The following ANAPC1 variants were observed in gnomAD, a reference collection of about 807,000 sequenced individuals.
ANAPC1 encodes the protein anaphase promoting complex subunit 1, also known as anaphase-promoting complex subunit 1.
Under a neutral mutation model 208.0 loss-of-function variants are expected in ANAPC1, and 36 were observed. That is an observed-to-expected ratio of 0.17 (90% CI 0.13 to 0.23). The LOEUF is 0.23. Ranked by LOEUF, ANAPC1 falls within the 10% of genes least tolerant of loss-of-function variation. ANAPC1 has a pLI of 1.00. For missense variants in ANAPC1, 942 were observed against 2,011.6 expected, an observed-to-expected ratio of 0.47 and a Z score of 10.17; for synonymous variants, 378 against 695.2, an observed-to-expected ratio of 0.54 and a Z score of 7.18.
chr2:111,827,690 AG>A (rs751800014), intron 21 of ANAPC1, among the ~76,000 whole-genome samples: 3 of 152,222 alleles, frequency 2.0e-5, no homozygotes, highest in East Asian at 3.9e-4. Flanking sequence ...CGGGAGGTTG[AG>A]GCTGCAGTGA....
At chr2:111,791,759 T>A (rs984101783) in intron 38 of ANAPC1, among the ~76,000 whole-genome samples, 5 of 151,884 alleles carry the variant, frequency 3.3e-5, no homozygotes, top group African/African-American at 1.2e-4. Flanking sequence ...ATAATAGTGA[T>A]TGAGAGGGGT....
At chr2:111,849,953 T>A (rs1444094437) in intron 14 of ANAPC1, among the ~76,000 whole-genome samples, 1 of 151,734 alleles carries the variant, frequency 6.6e-6, no homozygotes, top group African/African-American at 2.4e-5. Flanking sequence ...TTAGTAAGAG[T>A]GTAAATCCCA....
chr2:111,788,979 A>C (rs556768522), intron 38 of ANAPC1, among the ~76,000 whole-genome samples: 96 of 152,280 alleles, frequency 6.3e-4, no homozygotes, highest in African/African-American at 2.3e-3. Context: ...TCTACTAAAA[A>C]TACAAAAAAT....
intron 13 of ANAPC1, among the ~76,000 whole-genome samples, chr2:111,853,223 T>C (rs528674518): frequency 6.6e-6 from 1 of 152,290 alleles, no homozygotes; most frequent in Admixed American, 6.5e-5. Context: ...AACTTACCCA[T>C]GTCATTATAT....
chr2:111,867,950 G>T, intron 7 of ANAPC1, 73 bp downstream of exon 7: 1 of 906,484 alleles, frequency 1.1e-6, no homozygotes, highest in South Asian at 2.0e-5. Flanking sequence ...TTTCATATAA[G>T]CGCCTTTATA....
At chr2:111,773,312 C>T (rs1157738309) in intron 46 of ANAPC1, among the ~76,000 whole-genome samples, 2 of 152,306 alleles carry the variant, frequency 1.3e-5, no homozygotes, top group South Asian at 4.1e-4. Flanking sequence ...TCATGCTGAG[C>T]TAGAGGTGAA....
chr2:111,836,765 T>A (rs571464282), intron 18 of ANAPC1, among the ~76,000 whole-genome samples: 2 of 152,022 alleles, frequency 1.3e-5, no homozygotes, highest in South Asian at 2.1e-4. Context: ...GCCAGGAGTT[T>A]GAGACCAGAC....
chr2:111,873,869 T>C (rs1682891970), intron 3 of ANAPC1, among the ~76,000 whole-genome samples: 1 of 151,924 alleles, frequency 6.6e-6, no homozygotes, highest in Non-Finnish European at 1.5e-5. Context: ...CAAAATATGT[T>C]TACAATTAAA....
Position 111,873,659 on chromosome 2 carries a change from C to T in ANAPC1, c.381G>A (p.Leu127=). The change falls in exon 4 of 48, where the codon TTG becomes TTA. Residue 127 remains leucine, a synonymous_variant. Coordinates refer to ENST00000341068, the MANE Select transcript of ANAPC1 (RefSeq NM_022662.4). ...CCTGTGATATAATGAAGTCACACCA[C>T]AATGCCTAAAATCAAAACAAAATGC... ...FTVDSPVQQA[L]WCDFIISQDK... The T allele has an allele frequency of 6.3e-7, 1 of 1,587,358 alleles. No individual in the cohort carries two copies. The highest frequency in any genetic ancestry group is 8.5e-7 in the Non-Finnish European group (1 of 1,173,096).
intron 14 of ANAPC1, among the ~76,000 whole-genome samples, chr2:111,849,159 C>T (rs1384756288): frequency 6.6e-6 from 1 of 152,210 alleles, no homozygotes; most frequent in Non-Finnish European, 1.5e-5. Context: ...AGGAAAAATT[C>T]AGCTCCGCTG....
intron 19 of ANAPC1, among the ~76,000 whole-genome samples, chr2:111,834,364 A>AT (rs35183519): frequency 6.6e-6 from 1 of 152,046 alleles, no homozygotes; most frequent in Non-Finnish European, 1.5e-5. Flanking sequence ...GGTCATCTCC[A>AT]TTTTTTCGTG....
chr2:111,809,766 C>CCT (rs1199591171), intron 28 of ANAPC1, among the ~76,000 whole-genome samples: 1 of 147,692 alleles, frequency 6.8e-6, no homozygotes, highest in East Asian at 2.0e-4. Flanking sequence ...AAGAATGAGG[C>CCT]TGGACTCAAC....
chr2:111,832,741 AAC>A (rs548654899), intron 20 of ANAPC1, among the ~76,000 whole-genome samples: 79 of 151,950 alleles, frequency 5.2e-4, no homozygotes, highest in Non-Finnish European at 1.0e-3. Flanking sequence ...CATCCTGTGT[AAC>A]ACAGTTAAAC....
intron 34 of ANAPC1, among the ~76,000 whole-genome samples, chr2:111,797,527 A>G (rs1312635842): frequency 1.2e-4 from 18 of 148,802 alleles, no homozygotes; most frequent in Non-Finnish European, 2.5e-4. Context: ...CACCTCTTTC[A>G]TATCAGTGAT....
At chr2:111,882,356 T>C (rs116806955) in intron 1 of ANAPC1, among the ~76,000 whole-genome samples, 1,954 of 152,248 alleles carry the variant, frequency 0.013, 31 homozygotes, top group Middle Eastern at 0.054. Flanking sequence ...AAGAATCCTA[T>C]ATGGTTACAC....
intron 24 of ANAPC1, 68 bp downstream of exon 24, chr2:111,824,898 A>C: frequency 6.4e-7 from 1 of 1,566,886 alleles, no homozygotes; most frequent in Non-Finnish European, 8.8e-7. Context: ...CTCTCTCCTC[A>C]TGCCTTCCAC....
chr2:111,823,381 C>T lies in ANAPC1; in HGVS notation c.2813-781G>A, dbSNP rs139674277. Among the ~76,000 whole-genome samples, 747 of 151,974 alleles carry T rather than the reference C, an allele frequency of 4.9e-3. 4 individuals carry two copies. The highest frequency in any genetic ancestry group is 0.017 in the African/African-American group (721 of 41,424). ...AAACTGGTACAACCACTTTGGAAAA[C>T]AGTTGGTATGTATAGGTCAATCCAC... On this transcript the variant is annotated intron_variant, in intron 24 of 47. Coordinates refer to ENST00000341068, the MANE Select transcript of ANAPC1 (RefSeq NM_022662.4).
chr2:111,877,401 TAA>T (rs1205836481), intron 3 of ANAPC1, among the ~76,000 whole-genome samples: 1 of 152,224 alleles, frequency 6.6e-6, no homozygotes, highest in Non-Finnish European at 1.5e-5. Flanking sequence ...ATGTAGACTA[TAA>T]ACTTTTTATA....
chr2:111,873,155 T>C, intron 5 of ANAPC1, 153 bp downstream of exon 5: 1 of 753,148 alleles, frequency 1.3e-6, no homozygotes, highest in African/African-American at 1.8e-5. Context: ...AGAAAAATGG[T>C]AAGCCACTAA....
Sources: gnomAD v4.1 joint callset for allele counts (sites outside exome capture counted in the v4.1 genomes callset) on GRCh38, gnomAD v4.1.1 for gene constraint, MANE v1.5 for transcripts, NCBI Gene and HGNC (gene_info 2026-07-23, HGNC 2026-07-21) for gene names.